RALGAPB: variants seen among roughly 807,000 people sequenced by gnomAD.
The protein encoded by RALGAPB is Ral GTPase activating protein non-catalytic subunit beta, also known as ral GTPase-activating protein subunit beta.
In RALGAPB, 25 loss-of-function variants were observed where a neutral mutation model predicts 161.1. The ratio of observed to expected loss-of-function variants is 0.16; its 90% CI spans 0.11 to 0.22. The LOEUF (loss-of-function observed/expected upper bound fraction) is 0.22. Among genes scored for constraint, RALGAPB ranks in the 10% least tolerant of loss-of-function variants. The pLI is 1.00. For missense variants in RALGAPB, 1,391 were observed against 1,815.2 expected, an observed-to-expected ratio of 0.77 and a Z score of 4.25; for synonymous variants, 629 against 626.1, an observed-to-expected ratio of 1.00 and a Z score of -0.07.
Position 38,499,583 on chromosome 20 carries a change from C to G in RALGAPB, c.690C>G (p.His230Gln), listed in dbSNP as rs757067505. ...AGATGGTGGCTAACTGGAGGCATCA[C>G]CCAGCAGTGGTGGAGCAGTGGAGCA... is the stretch of plus-strand genomic sequence containing the variant. ...AKEMVANWRH[H>Q]PAVVEQWSKV... The change falls in exon 5 of 30, where the codon CAC becomes CAG. Residue 230 changes from histidine to glutamine, a missense_variant. Around this residue, in one of 3 missense-constraint regions of RALGAPB, gnomAD observed 946 missense variants for 1,257.2 expected, o/e 0.75. Transcript: ENST00000262879. 3.1e-6 allele frequency: 5 copies of G among 1,613,874 alleles called. No homozygotes were observed. The Admixed American group carries it at 8.3e-5, about 27-fold the overall frequency.
chr20:38,553,437 A>G (rs531397716), intron 21 of RALGAPB, among the ~76,000 whole-genome samples: 36 of 152,210 alleles, frequency 2.4e-4, no homozygotes, highest in African/African-American at 8.4e-4. Context: ...TTTCTTGCCT[A>G]TTTGAAGGGA....
intron 6 of RALGAPB, among the ~76,000 whole-genome samples, chr20:38,510,067 A>T (rs991499019): frequency 2.0e-5 from 3 of 151,894 alleles, no homozygotes; most frequent in Admixed American, 2.0e-4. Flanking sequence ...TTCCTTTGTA[A>T]TAGTAAGTTC....
intron 9 of RALGAPB, among the ~76,000 whole-genome samples, chr20:38,518,268 G>C (rs960920235): frequency 6.6e-6 from 1 of 152,142 alleles, no homozygotes; most frequent in South Asian, 2.1e-4. Flanking sequence ...TGTTGAATCA[G>C]ATTTCTTTCA....
At chr20:38,541,588 A>T (rs764161459) in intron 18 of RALGAPB, among the ~76,000 whole-genome samples, 3 of 152,186 alleles carry the variant, frequency 2.0e-5, no homozygotes, top group Non-Finnish European at 2.9e-5. Context: ...TTTATATTAC[A>T]TAGTATAGGT....
intron 21 of RALGAPB, among the ~76,000 whole-genome samples, chr20:38,553,557 T>C (rs1428899382): frequency 6.6e-6 from 1 of 152,180 alleles, no homozygotes; most frequent in Non-Finnish European, 1.5e-5. Context: ...GTTTGCTTAA[T>C]GGCATACTCT....
At chr20:38,479,690 T>C (rs764986830) in intron 1 of RALGAPB, among the ~76,000 whole-genome samples, 2 of 152,216 alleles carry the variant, frequency 1.3e-5, no homozygotes, top group Non-Finnish European at 2.9e-5. Context: ...GTTTCTCTGC[T>C]AGCAGCTCAG....
At chr20:38,524,727 T>A (rs541761830) in intron 10 of RALGAPB, 51 bp from the exon 11 acceptor site, 2 of 1,393,958 alleles carry the variant, frequency 1.4e-6, no homozygotes, top group Non-Finnish European at 2.0e-6. Context: ...ATAATAATTA[T>A]GAAAACTTTT....
chr20:38,525,767 A>G, intron 12 of RALGAPB, 128 bp from the exon 13 acceptor site: 1 of 985,528 alleles, frequency 1.0e-6, no homozygotes, highest in Non-Finnish European at 1.5e-6. Flanking sequence ...TGACAGATTC[A>G]GCACAGTGGC....
chr20:38,519,729 A>G (rs2086234335), intron 9 of RALGAPB, among the ~76,000 whole-genome samples: 1 of 152,198 alleles, frequency 6.6e-6, no homozygotes. Context: ...GAGGTGTCCA[A>G]ATAGTTAAAG....
chr20:38,553,795 A>AAAC (rs2087473823), intron 21 of RALGAPB, 72 bp from the exon 22 acceptor site: 1 of 898,626 alleles, frequency 1.1e-6, no homozygotes, highest in Non-Finnish European at 1.6e-6. Flanking sequence ...AAAAAAAAAA[A>AAAC]AAAAAACACT....
Position 38,493,479 on chromosome 20 carries a change from G to A in RALGAPB, c.389+347G>A, listed in dbSNP as rs142869830. Among the ~76,000 whole-genome samples, 358 of 152,300 alleles carry A rather than the reference G, an allele frequency of 2.4e-3. 2 individuals carry two copies. Among genetic ancestry groups the A allele is most frequent in the African/African-American group, 8.0e-3 (334 of 41,568 alleles). ...TAGGCTAAACACAACTAAGGGAGAT[G>A]CATCTACCTTAATAGGCATCTTTCC... is the stretch of plus-strand genomic sequence containing the variant. On this transcript the variant is annotated intron_variant, in intron 3 of 29. Coordinates refer to ENST00000262879, the MANE Select transcript of RALGAPB (RefSeq NM_020336.4).
chr20:38,508,982 CAT>C lies in RALGAPB; in HGVS notation c.741-94_741-93del, dbSNP rs370685701. On this transcript the variant is annotated intron_variant, in intron 5 of 29. Transcript: ENST00000262879. ...GTCTTGTTCACGTATGTGAGGTACA[CAT>C]GTTTCATCCATTTTCTCTGTCTTCT... 1.4e-4 allele frequency: 191 copies of C among 1,346,952 alleles called. No homozygotes were observed. In the Admixed American group the frequency reaches 1.5e-3, roughly 10 times the overall value. The allele number at this position is 1,346,952 out of a possible 1,614,324, so 83.4% of individuals were successfully genotyped here. A position where few individuals can be genotyped will look rare whatever the true frequency, so the allele number is the denominator to read the frequency against.
At chr20:38,509,808 A>T (rs187537961) in intron 6 of RALGAPB, among the ~76,000 whole-genome samples, 3 of 152,000 alleles carry the variant, frequency 2.0e-5, no homozygotes, top group African/African-American at 7.3e-5. Context: ...TTCCTTGCAT[A>T]TCTTCTCTTT....
At chr20:38,546,769 C>G (rs2087179416) in intron 19 of RALGAPB, 5 of 258,780 alleles carry the variant, frequency 1.9e-5, no homozygotes, top group Middle Eastern at 1.4e-3. Flanking sequence ...CCTCTCACTC[C>G]TCATGTTCTG....
Position 38,545,673 on chromosome 20 carries a change from G to A in RALGAPB, c.2715-570G>A, listed in dbSNP as rs143054195. Among the ~76,000 whole-genome samples, 3 of 152,278 alleles carry A rather than the reference G, an allele frequency of 2.0e-5. No homozygotes were observed. In the East Asian group the frequency reaches 5.8e-4, roughly 29 times the overall value. Reference sequence around the variant, plus strand: ...TTCCTCTCCTCCTAAAACGAAGACTGTCTCAGAACTTCAGGGACCAGGAGA... The same window carrying A: ...TTCCTCTCCTCCTAAAACGAAGACTATCTCAGAACTTCAGGGACCAGGAGA... On this transcript the variant is annotated intron_variant, in intron 18 of 29. Transcript: ENST00000262879.
chr20:38,559,416 C>T (rs1457337718), intron 23 of RALGAPB, among the ~76,000 whole-genome samples: 2 of 152,156 alleles, frequency 1.3e-5, no homozygotes, highest in East Asian at 1.9e-4. Context: ...AAGGACTGGC[C>T]GGGTGTGGTG....
intron 24 of RALGAPB, among the ~76,000 whole-genome samples, chr20:38,563,736 A>G (rs1338217663): frequency 2.0e-5 from 3 of 152,230 alleles, no homozygotes; most frequent in African/African-American, 7.2e-5. Flanking sequence ...CTTAGATTTT[A>G]AAGATAATTT....
At chr20:38,514,711 A>T (rs1193615200) in intron 6 of RALGAPB, among the ~76,000 whole-genome samples, 2 of 152,132 alleles carry the variant, frequency 1.3e-5, no homozygotes, top group Non-Finnish European at 2.9e-5. Flanking sequence ...TTGTTTCCAT[A>T]CTGTTGTCAA....
At chr20:38,485,894 G>T (rs1220171757) in intron 1 of RALGAPB, among the ~76,000 whole-genome samples, 3 of 147,118 alleles carry the variant, frequency 2.0e-5, no homozygotes, top group Middle Eastern at 3.5e-3. Context: ...TTTTGTTAAA[G>T]TTTAGCATCT....
Sources: allele counts gnomAD v4.1 joint callset (sites outside exome capture counted in the v4.1 genomes callset), GRCh38; gene constraint gnomAD v4.1.1; regional missense constraint gnomAD v4.1.1; transcripts MANE v1.5; gene names NCBI Gene and HGNC (gene_info 2026-07-23, HGNC 2026-07-21).